Variants in RASA1 observed in about 807,000 individuals in gnomAD.
The protein encoded by RASA1 is RAS p21 protein activator 1, also known as ras GTPase-activating protein 1.
In RASA1, 25 loss-of-function variants were observed where a neutral mutation model predicts 132.2. That is an observed-to-expected ratio of 0.19 (90% CI 0.14 to 0.26). The LOEUF (loss-of-function observed/expected upper bound fraction) is 0.26, where lower values mean the gene tolerates loss of function less well. RASA1 is among the 10% of genes least tolerant of loss of function. The pLI, the probability that RASA1 is intolerant of heterozygous loss-of-function variation, is 1.00. For missense variants in RASA1, 964 were observed against 1,299.2 expected, an observed-to-expected ratio of 0.74 and a Z score of 3.97; for synonymous variants, 477 against 449.9, an observed-to-expected ratio of 1.06 and a Z score of -0.76.
intron 15 of RASA1, 152 bp from the exon 16 acceptor site, chr5:87,376,237 TAAAC>T (rs1322948856): frequency 1.2e-6 from 1 of 834,622 alleles, no homozygotes; most frequent in Non-Finnish European, 1.9e-6. Flanking sequence ...ACTCAGTAAA[TAAAC>T]AACTAAATAT....
At chr5:87,372,010 G>T (rs1315094231) in intron 12 of RASA1, 108 bp from the exon 13 acceptor site, 1 of 823,956 alleles carries the variant, frequency 1.2e-6, no homozygotes, top group African/African-American at 1.8e-5. Flanking sequence ...AGAAATGGCA[G>T]TCTAGAGAAG....
Position 87,367,703 on chromosome 5 carries a change from C to G in RASA1, c.1611-2110C>G, listed in dbSNP as rs115991510. Among the ~76,000 whole-genome samples, 438 of 152,290 alleles carry G rather than the reference C, an allele frequency of 2.9e-3. 3 individuals are homozygous for G. Among genetic ancestry groups the G allele is most frequent in the Middle Eastern group, 0.014 (4 of 294 alleles). ...TAATTTTTACACCATCTTTTCATAG[C>G]TGGATCTCACTGTGGTATTTATTGC... On this transcript the variant is annotated intron_variant, in intron 11 of 24. Transcript: ENST00000274376.
In RASA1 at chr5:87,376,192, ACT is replaced by A. The variant is rs1761314068; in HGVS notation, c.2012-196_2012-195del. ...AAGAACACATCTCAATCATCTCTGT[ACT>A]CTCTACCTATCAGAGTTTAGTGCAC... is the stretch of plus-strand genomic sequence containing the variant. On this transcript the variant is annotated intron_variant, in intron 15 of 24. Transcript: ENST00000274376. 13 of 631,926 alleles carry A rather than the reference ACT, an allele frequency of 2.1e-5. No individual in the cohort carries two copies. The South Asian group carries it at 2.1e-4, about 10-fold the overall frequency. 39.1% of individuals were successfully genotyped at this position (631,926 alleles called of 1,614,324 possible). A position where few individuals can be genotyped will look rare whatever the true frequency, so the allele number is the denominator to read the frequency against.
intron 1 of RASA1, among the ~76,000 whole-genome samples, chr5:87,314,484 A>G (rs1756168679): frequency 6.6e-6 from 1 of 152,234 alleles, no homozygotes; most frequent in Admixed American, 6.5e-5. Context: ...AAGAGAGCAT[A>G]GGAAGGTGGA....
Position 87,331,492 on chromosome 5 carries a change from C to T in RASA1, c.684C>T (p.Asn228=), listed in dbSNP as rs1286975622. 3 of 1,613,700 alleles carry T rather than the reference C, an allele frequency of 1.9e-6. No homozygotes were observed. The highest frequency in any genetic ancestry group is 1.7e-6 in the Non-Finnish European group (2 of 1,179,736). Reference sequence around the variant, plus strand: ...TTCTTAGCCAGATGAATGTTGTCAACCATTTTAGGTAAGTCTTTATTCCTA... The same window carrying T: ...TTCTTAGCCAGATGAATGTTGTCAATCATTTTAGGTAAGTCTTTATTCCTA... ...LSFLSQMNVV[N]HFRIIAMCGD... Residue 228 remains asparagine, a synonymous_variant, in exon 2 of 25, where the codon AAC becomes AAT. Coordinates refer to ENST00000274376, the MANE Select transcript of RASA1 (RefSeq NM_002890.3).
At position 87,294,149 on chromosome 5, in the gene RASA1, T is replaced by A. The variant is rs138162959; in HGVS notation, c.539+25159T>A. ...TGCTTTTCTTTCTTGCTTTCTATGA[T>A]GAAGTTTAGATTATTATTATTATAT... On this transcript the variant is annotated intron_variant, in intron 1 of 24. Coordinates refer to ENST00000274376, the MANE Select transcript of RASA1 (RefSeq NM_002890.3). 20 of 152,308 alleles carry A rather than the reference T, an allele frequency of 1.3e-4. No individual in the cohort carries two copies. In the East Asian group the frequency reaches 3.7e-3, roughly 28 times the overall value. 9.4% of individuals were successfully genotyped at this position (152,308 alleles called of 1,614,324 possible).
intron 1 of RASA1, among the ~76,000 whole-genome samples, chr5:87,270,241 C>CAA (rs112792931): frequency 6.7e-5 from 4 of 60,006 alleles, no homozygotes; most frequent in Admixed American, 3.8e-4. Context: ...GACTCTGTCT[C>CAA]AAAAAAAAAA....
At chr5:87,325,045 A>G (rs1419538171) in intron 1 of RASA1, among the ~76,000 whole-genome samples, 5 of 152,160 alleles carry the variant, frequency 3.3e-5, no homozygotes, top group Non-Finnish European at 5.9e-5. Context: ...TATAAAGGAA[A>G]GAGGCTTAAT....
intron 1 of RASA1, 95 bp from the exon 2 acceptor site, chr5:87,331,253 G>C: frequency 7.9e-7 from 1 of 1,259,718 alleles, no homozygotes; most frequent in Non-Finnish European, 1.2e-6. Context: ...GTTACATGTA[G>C]GCATTTAAAA....
At chr5:87,272,147 T>TAA (rs565510396) in intron 1 of RASA1, among the ~76,000 whole-genome samples, 4 of 135,052 alleles carry the variant, frequency 3.0e-5, no homozygotes, top group Non-Finnish European at 3.2e-5. Flanking sequence ...AAACCCTGTC[T>TAA]AAAAAAAAAA....
intron 13 of RASA1, among the ~76,000 whole-genome samples, chr5:87,372,951 A>G (rs1761056422): frequency 6.6e-6 from 1 of 152,206 alleles, no homozygotes; most frequent in South Asian, 2.1e-4. Flanking sequence ...CCTGTAACCC[A>G]AAGTCTGGCT....
intron 8 of RASA1, among the ~76,000 whole-genome samples, chr5:87,351,485 G>T (rs2923744): frequency 1.3e-5 from 2 of 151,662 alleles, no homozygotes; most frequent in South Asian, 4.1e-4. Flanking sequence ...ATCTAGACTT[G>T]AAGAAGAAGA....
At chr5:87,293,334 G>A (rs1035068002) in intron 1 of RASA1, among the ~76,000 whole-genome samples, 1 of 151,762 alleles carries the variant, frequency 6.6e-6, no homozygotes, top group Non-Finnish European at 1.5e-5. Flanking sequence ...ATTGGATACC[G>A]TCAAATGGAT....
rs1169472709 is a variant in RASA1, at chr5:87,338,524, TATATATATAAAA to T, written c.1017+434_1017+445del. Among the ~76,000 whole-genome samples, 85 of 99,748 alleles carry T rather than the reference TATATATATAAAA, an allele frequency of 8.5e-4. 3 individuals carry two copies. Among genetic ancestry groups the T allele is most frequent in the South Asian group, 2.4e-3 (7 of 2,930 alleles). 65.4% of individuals were successfully genotyped at this position (99,748 alleles called of 152,430 possible). A position where few individuals can be genotyped will look rare whatever the true frequency, so the allele number is the denominator to read the frequency against. On this transcript the variant is annotated intron_variant, in intron 5 of 24. Coordinates refer to ENST00000274376, the MANE Select transcript of RASA1 (RefSeq NM_002890.3). ...TTTTATATATATATATATATATATA[TATATATATAAAA>T]TTTTTTTTTTTTTTAAGTAGAAATG... is the stretch of plus-strand genomic sequence containing the variant.
At position 87,268,270 on chromosome 5, in the gene RASA1, G is replaced by T; in HGVS notation, c.-182G>T. On this transcript the variant is annotated 5_prime_UTR_variant, in exon 1 of 25. Transcript: ENST00000274376. ...TGGCTTCCCGTAACCCAGGCAGCTG[G>T]GGAGCCTGGGCTGTGGCCCTAGGAG... 1 of 888,714 alleles carries T rather than the reference G, an allele frequency of 1.1e-6. No homozygotes were observed. The highest frequency in any genetic ancestry group is 1.6e-6 in the Non-Finnish European group (1 of 608,356). 55.1% of individuals were successfully genotyped at this position (888,714 alleles called of 1,614,324 possible).
At chr5:87,341,422 C>A in intron 6 of RASA1, 101 bp downstream of exon 6, 1 of 674,596 alleles carries the variant, frequency 1.5e-6, no homozygotes, top group Non-Finnish European at 2.1e-6. Flanking sequence ...AGGTTTTGGA[C>A]TGACTTAACT....
intron 21 of RASA1, 32 bp from the exon 22 acceptor site, chr5:87,385,269 G>A: frequency 2.2e-6 from 3 of 1,368,376 alleles, no homozygotes; most frequent in Non-Finnish European, 3.1e-6. Context: ...TGTTGGACTT[G>A]GTGTCATTAG....
In RASA1 at chr5:87,377,982, ATAAAT is replaced by A. The variant is rs1761439953; in HGVS notation, c.2345-410_2345-406del. Among the ~76,000 whole-genome samples, 5 of 152,328 alleles carry A rather than the reference ATAAAT, an allele frequency of 3.3e-5. No individual in the cohort carries two copies. The South Asian group carries it at 1.0e-3, about 32-fold the overall frequency. Reference sequence around the variant, plus strand: ...AACTCAGTAGACATATTTTAAGCTAATAAATTAATCTATACTGGGATTTTGTGTTA... The same window carrying A: ...AACTCAGTAGACATATTTTAAGCTAATAATCTATACTGGGATTTTGTGTTA... On this transcript the variant is annotated intron_variant, in intron 17 of 24. Transcript: ENST00000274376.
At chr5:87,352,337 A>G (rs891078274) in intron 8 of RASA1, among the ~76,000 whole-genome samples, 13 of 151,446 alleles carry the variant, frequency 8.6e-5, no homozygotes, top group African/African-American at 3.1e-4. Context: ...CTAATTATAT[A>G]TATATAGAAG....
Sources: allele counts gnomAD v4.1 joint callset (sites outside exome capture counted in the v4.1 genomes callset), GRCh38; gene constraint gnomAD v4.1.1; transcripts MANE v1.5; gene names NCBI Gene and HGNC (gene_info 2026-07-23, HGNC 2026-07-21).